STX7: variants seen among roughly 807,000 people sequenced by gnomAD.
STX7 encodes the protein syntaxin 7, also known as syntaxin-7.
A neutral mutation model predicts 39.6 loss-of-function variants in STX7; 34 were observed. The ratio of observed to expected loss-of-function variants is 0.86; its 90% CI spans 0.65 to 1.14. The LOEUF is 1.14. Ranked by LOEUF, STX7 falls within the 50% of genes most tolerant of loss-of-function variation. The probability of loss-of-function intolerance (pLI) is 0.00; values close to 1 mark genes in which losing one functional copy is unlikely to be tolerated. For synonymous variants in STX7, 119 were observed against 99.1 expected, an observed-to-expected ratio of 1.20 and a Z score of -1.19; for missense variants, 284 against 310.4, an observed-to-expected ratio of 0.92 and a Z score of 0.64.
At position 132,512,817 on chromosome 6, in the gene STX7, G is replaced by A. The variant is rs140471432; in HGVS notation, c.-59+190C>T. The stretch of plus-strand genomic sequence containing the variant: ...CGCCGCGCCCTTGCACCCGGCCGGG[G>A]GGCGTGGGGAGCCGCAGGCGCTCCG... On this transcript the variant is annotated intron_variant, in intron 1 of 9. Transcript: ENST00000367941. Among the ~76,000 whole-genome samples the A allele has an allele frequency of 5.5e-3, 839 of 152,288 alleles. 8 individuals are homozygous for A. Among genetic ancestry groups the A allele is most frequent in the African/African-American group, 0.019 (802 of 41,568 alleles).
At chr6:132,468,784 T>C (rs528646675) in intron 7 of STX7, among the ~76,000 whole-genome samples, 1 of 152,342 alleles carries the variant, frequency 6.6e-6, no homozygotes, top group South Asian at 2.1e-4. Context: ...GCTGAGTTCA[T>C]TTTATACAAC....
In STX7 at chr6:132,503,473, A is replaced by C; in HGVS notation, c.58T>G (p.Ser20Ala). Residue 20 changes from serine (S) to alanine (A), a missense_variant, in exon 2 of 10, where the codon TCT (serine) becomes GCT (alanine). Physicochemically the swap from Ser to Ala is moderately conservative, Grantham distance 99. Coordinates refer to ENST00000367941, the MANE Select transcript of STX7 (RefSeq NM_003569.3). ...CACTGTGTGATCTTCTGGATGTTAG[A>C]AGAGATCCTCTGGGCCAACTGGGCG... ...DPAQLAQRISSNIQKITQCSV... is the reference protein window; with the variant it reads ...DPAQLAQRISANIQKITQCSV... 1 of 1,614,090 alleles carries C rather than the reference A, an allele frequency of 6.2e-7. No homozygotes were observed. The highest frequency in any genetic ancestry group is 2.2e-5 in the East Asian group (1 of 44,886).
intron 2 of STX7, among the ~76,000 whole-genome samples, chr6:132,485,895 C>T (rs1317738730): frequency 6.6e-6 from 1 of 152,110 alleles, no homozygotes; most frequent in Non-Finnish European, 1.5e-5. Context: ...TTAATTTCAG[C>T]AATATTTTGT....
At chr6:132,501,733 G>A (rs1030184252) in intron 2 of STX7, among the ~76,000 whole-genome samples, 1 of 152,142 alleles carries the variant, frequency 6.6e-6, no homozygotes, top group African/African-American at 2.4e-5. Flanking sequence ...TTTGGAGAAA[G>A]GCCTCTTGGC....
rs557480702 is a variant in STX7, at chr6:132,503,903, A to G, written c.-58-315T>C. Among the ~76,000 whole-genome samples the G allele has an allele frequency of 8.8e-4, 134 of 152,332 alleles. 1 individual carries two copies. The highest frequency in any genetic ancestry group is 1.6e-3 in the Non-Finnish European group (106 of 68,036). ...CCTGTATATAATTTTAGTTGTTTAC[A>G]TATTTTTTCCTTAACTAAACTCCAA... On this transcript the variant is annotated intron_variant, in intron 1 of 9. Coordinates refer to ENST00000367941, the MANE Select transcript of STX7 (RefSeq NM_003569.3).
At chr6:132,484,578 A>G (rs1257166389) in intron 2 of STX7, among the ~76,000 whole-genome samples, 6 of 152,216 alleles carry the variant, frequency 3.9e-5, no homozygotes, top group Non-Finnish European at 8.8e-5. Context: ...AATAACTAAG[A>G]ATAGCTATCT....
intron 1 of STX7, among the ~76,000 whole-genome samples, chr6:132,508,373 C>T (rs1775759406): frequency 6.6e-6 from 1 of 152,240 alleles, no homozygotes; most frequent in African/African-American, 2.4e-5. Context: ...TAGTCACAAA[C>T]ACAATCAATT....
At position 132,449,775 on chromosome 6, in the gene STX7, A is replaced by G. The variant is rs1322092395; in HGVS notation, c.*10983T>C. 6.6e-6 allele frequency: 1 copy of G among 152,190 alleles called. No individual in the cohort carries two copies. Among genetic ancestry groups the G allele is most frequent in the East Asian group, 1.9e-4 (1 of 5,200 alleles). The allele number at this position is 152,190 out of a possible 1,614,324, so 9.4% of individuals were successfully genotyped here. On this transcript the variant is annotated 3_prime_UTR_variant, in exon 10 of 10. Transcript: ENST00000367941. ...TCTCATTTCATGTTCGTTTTAATTC[A>G]TACATTATTTAAACATATAACTGTT...
At chr6:132,469,377 G>A (rs939818593) in intron 7 of STX7, among the ~76,000 whole-genome samples, 4 of 152,132 alleles carry the variant, frequency 2.6e-5, no homozygotes, top group African/African-American at 9.7e-5. Flanking sequence ...TCAATACTAA[G>A]GTGGTCCATA....
chr6:132,478,927 C>T (rs970920493), intron 2 of STX7, among the ~76,000 whole-genome samples: 2 of 152,180 alleles, frequency 1.3e-5, no homozygotes, highest in African/African-American at 2.4e-5. Context: ...GTCAAGGATA[C>T]GGATCATCTC....
At chr6:132,464,341 T>C (rs1008026762) in intron 8 of STX7, among the ~76,000 whole-genome samples, 1 of 152,232 alleles carries the variant, frequency 6.6e-6, no homozygotes, top group Admixed American at 6.5e-5. Context: ...CAGCTCTACC[T>C]GGCAACCCCT....
At chr6:132,482,673 G>C (rs763050564) in intron 2 of STX7, among the ~76,000 whole-genome samples, 4 of 152,204 alleles carry the variant, frequency 2.6e-5, no homozygotes, top group African/African-American at 4.8e-5. Context: ...CTAGATTGAA[G>C]AAGTAATTTG....
chr6:132,471,675 T>C, intron 4 of STX7, 75 bp from the exon 5 acceptor site: 2 of 1,559,120 alleles, frequency 1.3e-6, no homozygotes, highest in Non-Finnish European at 1.7e-6. Flanking sequence ...GTTGGCTCTT[T>C]ATTTAACCCT....
rs1345273251 is a variant in STX7 at position 132,449,810 on chromosome 6, C to A, written c.*10948G>T. The A allele has an allele frequency of 1.3e-5, 2 of 152,208 alleles. No homozygotes were observed. Among genetic ancestry groups the A allele is most frequent in the African/African-American group, 4.8e-5 (2 of 41,458 alleles). The allele number at this position is 152,208 out of a possible 1,614,324, so 9.4% of individuals were successfully genotyped here. Reference sequence around the variant, plus strand: ...TAAACATATAACTGTTATTCTACTTCTGCTAATTGCAATACCTGAATTCCT... The same window carrying A: ...TAAACATATAACTGTTATTCTACTTATGCTAATTGCAATACCTGAATTCCT... On this transcript the variant is annotated 3_prime_UTR_variant, in exon 10 of 10. Coordinates refer to ENST00000367941, the MANE Select transcript of STX7 (RefSeq NM_003569.3).
intron 8 of STX7, 35 bp from the exon 9 acceptor site, chr6:132,464,110 A>G (rs1019496451): frequency 6.4e-7 from 1 of 1,551,280 alleles, no homozygotes; most frequent in Admixed American, 1.7e-5. Context: ...AAATGTGTTA[A>G]ACATGGATTG....
At position 132,471,237 on chromosome 6, in the gene STX7, TA is replaced by T. The variant is rs1774713662; in HGVS notation, c.387+225del. ...CAAAATATGTCTCTATATTTTTATATACTCTGTAATCTTCTGTACTATGACA... is the reference window on the plus strand; with the variant it reads ...CAAAATATGTCTCTATATTTTTATATCTCTGTAATCTTCTGTACTATGACA... On this transcript the variant is annotated intron_variant, in intron 5 of 9. Coordinates refer to ENST00000367941, the MANE Select transcript of STX7 (RefSeq NM_003569.3). Among the ~76,000 whole-genome samples, 3 of 152,344 alleles carry T rather than the reference TA, an allele frequency of 2.0e-5. No homozygotes were observed. The South Asian group carries it at 6.2e-4, about 32-fold the overall frequency.
chr6:132,500,495 A>C (rs1582680515), intron 2 of STX7, among the ~76,000 whole-genome samples: 1 of 152,074 alleles, frequency 6.6e-6, no homozygotes, highest in African/African-American at 2.4e-5. Context: ...GTCCCTCCTC[A>C]TCCTCATTCA....
At chr6:132,509,485 AACAT>A (rs1562343625) in intron 1 of STX7, among the ~76,000 whole-genome samples, 6 of 117,830 alleles carry the variant, frequency 5.1e-5, no homozygotes, top group Admixed American at 8.7e-5. Flanking sequence ...AACATAACAT[AACAT>A]AACATAACAT....
rs772063325 is a variant in STX7, at chr6:132,503,562, A to C, written c.-32T>G. ...TGTTCTTATTCGCTAATTTCATCAG[A>C]TGCTGTGCAGTTTTCTAAGCAGTCA... On this transcript the variant is annotated 5_prime_UTR_variant, in exon 2 of 10. Coordinates refer to ENST00000367941, the MANE Select transcript of STX7 (RefSeq NM_003569.3). 4.5e-6 allele frequency: 7 copies of C among 1,567,648 alleles called. No individual in the cohort carries two copies. Among genetic ancestry groups the C allele is most frequent in the East Asian group, 2.2e-5 (1 of 44,606 alleles).
Sources: allele counts gnomAD v4.1 joint callset (sites outside exome capture counted in the v4.1 genomes callset), GRCh38; gene constraint gnomAD v4.1.1; transcripts MANE v1.5; gene names NCBI Gene and HGNC (gene_info 2026-07-23, HGNC 2026-07-21).